HSP90AA1: variants seen among roughly 807,000 people sequenced by gnomAD.
HSP90AA1 encodes the protein heat shock protein HSP 90-alpha.
HSP90AA1 carries 18 observed loss-of-function variants against 73.3 expected under a neutral mutation model. The observed-to-expected ratio is 0.25, with a 90% CI of 0.17 to 0.36. The LOEUF (loss-of-function observed/expected upper bound fraction) is 0.36. HSP90AA1 is among the 10% of genes least tolerant of loss of function. HSP90AA1 has a pLI of 1.00. For synonymous variants in HSP90AA1, 477 were observed against 296.9 expected (o/e 1.61, Z -6.24); for missense variants, 704 against 874.2 (o/e 0.81, Z 2.45).
At chr14:102,139,489 C>A in exon 1 of HSP90AA1, 1 of 1,392,118 alleles carries the variant, frequency 7.2e-7, no homozygotes, top group South Asian at 1.4e-5. Flanking sequence ...TTTGGGGTCC[C>A]GGCGCCCCTC....
intron 7 of HSP90AA1, 41 bp downstream of exon 7, chr14:102,083,752 T>C (rs1168617813): frequency 5.5e-6 from 7 of 1,266,756 alleles, no homozygotes; most frequent in Non-Finnish European, 7.9e-6. Context: ...AAAAAAAAAC[T>C]AAAGAGGCCA....
At chr14:102,085,501 T>TA in intron 3 of HSP90AA1, 70 bp from the exon 4 acceptor site, 10 of 1,437,814 alleles carry the variant, frequency 7.0e-6, no homozygotes, top group South Asian at 1.2e-5. Flanking sequence ...CTAACACCCT[T>TA]ATAACGTGTC....
At chr14:102,087,329 C>G (rs1031854189), upstream of HSP90AA1, 1 of 264,824 alleles carries the variant, frequency 3.8e-6, no homozygotes, top group African/African-American at 2.3e-5. Flanking sequence ...CCGGAATTCT[C>G]GGGAAGGTCC....
intron 2 of HSP90AA1, among the ~76,000 whole-genome samples, chr14:102,095,650 C>T (rs1460900436): frequency 6.6e-6 from 1 of 152,198 alleles, no homozygotes; most frequent in East Asian, 1.9e-4. Flanking sequence ...AACTCCTTCC[C>T]CAAAGTACTG....
At chr14:102,134,267 G>A (rs751979774) in intron 1 of HSP90AA1, among the ~76,000 whole-genome samples, 5 of 137,980 alleles carry the variant, frequency 3.6e-5, no homozygotes, top group Non-Finnish European at 6.0e-5. Flanking sequence ...GGAGGTTGCA[G>A]AGAGCCGACA....
intron 8 of HSP90AA1, 121 bp downstream of exon 8, chr14:102,083,425 G>A: frequency 1.4e-6 from 2 of 1,416,484 alleles, no homozygotes; most frequent in Non-Finnish European, 2.0e-6. Context: ...CCTAGTTCAT[G>A]TTAATTATCT....
Position 102,114,018 on chromosome 14 carries a change from T to A in HSP90AA1, c.156-11933A>T, listed in dbSNP as rs1039880697. Among the ~76,000 whole-genome samples the A allele has an allele frequency of 2.6e-5, 4 of 151,750 alleles. No individual in the cohort carries two copies. In the East Asian group the frequency reaches 5.8e-4, roughly 22 times the overall value. ...AGCCACTGCACCCCGCCCCCATTTATTTTATTTATTTATTTTTTGTTACAG... is the reference window on the plus strand; with the variant it reads ...AGCCACTGCACCCCGCCCCCATTTAATTTATTTATTTATTTTTTGTTACAG... On this transcript the variant is annotated intron_variant, in intron 1 of 11. Transcript: ENST00000334701.
At chr14:102,087,507 G>C (rs142162345), upstream of HSP90AA1, among the ~76,000 whole-genome samples, 2 of 152,116 alleles carry the variant, frequency 1.3e-5, no homozygotes, top group African/African-American at 4.8e-5. Context: ...GGAGGGTCGT[G>C]CGTGGACGGA....
intron 1 of HSP90AA1, among the ~76,000 whole-genome samples, chr14:102,111,527 T>A (rs2049642145): frequency 6.6e-6 from 1 of 152,200 alleles, no homozygotes; most frequent in South Asian, 2.1e-4. Flanking sequence ...ATTGGGTAAA[T>A]ACACCCCTTC....
At chr14:102,085,717 C>G in intron 3 of HSP90AA1, 41 bp downstream of exon 3, 2 of 1,613,790 alleles carry the variant, frequency 1.2e-6, no homozygotes, top group Admixed American at 1.7e-5. Context: ...GCACCCCACC[C>G]TTCCACCGCT....
chr14:102,124,796 A>T (rs1269097886), intron 1 of HSP90AA1, among the ~76,000 whole-genome samples: 1 of 152,196 alleles, frequency 6.6e-6, no homozygotes, highest in Non-Finnish European at 1.5e-5. Context: ...ACTTTTATGT[A>T]CTATACTGTC....
upstream of HSP90AA1, among the ~76,000 whole-genome samples, chr14:102,089,468 G>A (rs1467442588): frequency 3.3e-5 from 5 of 152,136 alleles, no homozygotes; most frequent in South Asian, 2.1e-4. Context: ...CACCAGGTGC[G>A]AACTCTGTAA....
At chr14:102,086,174 A>G in intron 2 of HSP90AA1, 43 bp downstream of exon 2, 1 of 1,614,170 alleles carries the variant, frequency 6.2e-7, no homozygotes, top group East Asian at 2.2e-5. Flanking sequence ...CAAGAAGTTC[A>G]CACTGAAACC....
At chr14:102,086,800 T>A (rs1423580953) in intron 1 of HSP90AA1, among the ~76,000 whole-genome samples, 186 bp downstream of exon 1, 1 of 151,408 alleles carries the variant, frequency 6.6e-6, no homozygotes, top group Non-Finnish European at 1.5e-5. Context: ...CCCGGCCCAT[T>A]CCTGAAGCGG....
intron 1 of HSP90AA1, among the ~76,000 whole-genome samples, chr14:102,109,460 G>T (rs2049611260): frequency 1.3e-5 from 2 of 152,174 alleles, no homozygotes; most frequent in Admixed American, 1.3e-4. Context: ...AGGCTCACAA[G>T]ATCTGATGGT....
intron 1 of HSP90AA1, among the ~76,000 whole-genome samples, chr14:102,104,894 G>A (rs1259268723): frequency 4.0e-5 from 6 of 151,644 alleles, no homozygotes; most frequent in Admixed American, 2.0e-4. Flanking sequence ...CCATGTTGCC[G>A]CAAATGACAA....
chr14:102,088,952 G>A (rs556991878), upstream of HSP90AA1, among the ~76,000 whole-genome samples: 2 of 150,678 alleles, frequency 1.3e-5, no homozygotes, highest in African/African-American at 4.9e-5. Flanking sequence ...GGTCCCCCAG[G>A]CTCGAGGGCA....
chr14:102,085,524 T>C lies in HSP90AA1; in HGVS notation c.530-93A>G, dbSNP rs2049207180. ...CTTATAACGTGTCTATAAAGCAAGG[T>C]TTGCCGTTACTACAGATGCAAAGGC... On this transcript the variant is annotated intron_variant, in intron 3 of 10. Transcript: ENST00000216281. 4 of 1,367,634 alleles carry C rather than the reference T, an allele frequency of 2.9e-6. No homozygotes were observed. In the South Asian group the frequency reaches 3.6e-5, roughly 12 times the overall value. The allele number at this position is 1,367,634 out of a possible 1,614,324, so 84.7% of individuals were successfully genotyped here.
chr14:102,085,271 TCA>T (rs747372544), intron 4 of HSP90AA1, 25 bp downstream of exon 4: 4 of 1,605,412 alleles, frequency 2.5e-6, no homozygotes, highest in Non-Finnish European at 2.6e-6. Flanking sequence ...AGACAGAAAT[TCA>T]CTCTGCAATT....
Sources: allele counts gnomAD v4.1 joint callset (sites outside exome capture counted in the v4.1 genomes callset), GRCh38; gene constraint gnomAD v4.1.1; transcripts MANE v1.5; gene names NCBI Gene and HGNC (gene_info 2026-07-23, HGNC 2026-07-21).